The following RPH3A variants were observed in gnomAD, a reference collection of about 807,000 sequenced individuals.
RPH3A encodes rabphilin 3A.
RPH3A carries 48 observed loss-of-function variants against 102.2 expected under a neutral mutation model. The observed-to-expected ratio is 0.47, with a 90% CI of 0.37 to 0.60. RPH3A has a LOEUF of 0.60. Ranked by LOEUF, RPH3A falls within the 20% of genes least tolerant of loss-of-function variation. The pLI is 0.00. For missense variants in RPH3A, 781 were observed against 910.1 expected (o/e 0.86, Z 1.83); for synonymous variants, 310 against 324.3 (o/e 0.96, Z 0.47).
intron 1 of RPH3A, among the ~76,000 whole-genome samples, chr12:112,621,523 G>A (rs1389475522): frequency 2.0e-5 from 3 of 147,238 alleles, no homozygotes; most frequent in African/African-American, 7.7e-5. Context: ...GGCGCACCAC[G>A]AGACTATATC....
chr12:112,870,151 T>C (rs2042683673), intron 10 of RPH3A, 112 bp downstream of exon 10: 1 of 1,058,112 alleles, frequency 9.5e-7, no homozygotes, highest in African/African-American at 1.6e-5. Context: ...TGAGTCCTAC[T>C]GTGTGCCGTG....
intron 1 of RPH3A, among the ~76,000 whole-genome samples, chr12:112,774,694 C>T (rs1565876805): frequency 6.6e-6 from 1 of 151,990 alleles, no homozygotes; most frequent in Admixed American, 6.6e-5. Flanking sequence ...CCAAACACCA[C>T]ATGTTCTCAC....
At chr12:112,778,833 T>C (rs368173692) in intron 1 of RPH3A, among the ~76,000 whole-genome samples, 160 of 152,316 alleles carry the variant, frequency 1.1e-3, no homozygotes, top group Non-Finnish European at 2.2e-3. Context: ...TTGGCTTGCA[T>C]TGAGCCACAT....
chr12:112,639,721 G>T (rs1183432311), intron 1 of RPH3A, among the ~76,000 whole-genome samples: 1 of 152,120 alleles, frequency 6.6e-6, no homozygotes, highest in African/African-American at 2.4e-5. Context: ...ACACCAAAGG[G>T]CTGAGTCCTG....
intron 12 of RPH3A, among the ~76,000 whole-genome samples, chr12:112,876,297 C>G (rs565474242): frequency 1.3e-5 from 2 of 152,160 alleles, no homozygotes; most frequent in African/African-American, 4.8e-5. Context: ...TTAAAAAATA[C>G]TATTATTTGA....
At chr12:112,759,275 G>A (rs1384178492) in intron 1 of RPH3A, among the ~76,000 whole-genome samples, 1 of 152,074 alleles carries the variant, frequency 6.6e-6, no homozygotes, top group African/African-American at 2.4e-5. Flanking sequence ...GAACATACTG[G>A]CATATATGTT....
intron 1 of RPH3A, among the ~76,000 whole-genome samples, chr12:112,599,236 A>G (rs1049533399): frequency 6.6e-6 from 1 of 152,208 alleles, no homozygotes; most frequent in Non-Finnish European, 1.5e-5. Flanking sequence ...ATGCAGCACC[A>G]CGAGGCTCAG....
intron 1 of RPH3A, among the ~76,000 whole-genome samples, chr12:112,663,867 T>C (rs2040067151): frequency 6.6e-6 from 1 of 152,116 alleles, no homozygotes; most frequent in Middle Eastern, 3.2e-3. Flanking sequence ...AAAGAGGTAG[T>C]CTTCCTCACT....
In RPH3A at chr12:112,848,043, A is replaced by T. The variant is rs118103456; in HGVS notation, c.230+201A>T. ...CTTTGTTGCATGAGTTGGGAGAGCT[A>T]GGAGAAGAGAAAAGGGACTAGAGGA... On this transcript the variant is annotated intron_variant, in intron 5 of 21. Transcript: ENST00000389385. Among the ~76,000 whole-genome samples, 1,112 of 152,270 alleles carry T rather than the reference A, an allele frequency of 7.3e-3. 5 individuals are homozygous for T. Among genetic ancestry groups the T allele is most frequent in the Middle Eastern group, 0.024 (7 of 294 alleles).
At chr12:112,691,490 ATCTT>A (rs1211058411) in intron 1 of RPH3A, among the ~76,000 whole-genome samples, 69 of 152,368 alleles carry the variant, frequency 4.5e-4, no homozygotes, top group African/African-American at 1.6e-3. Flanking sequence ...CATTATGAAC[ATCTT>A]TCTGTGTCCA....
chr12:112,726,110 G>C (rs1241420649), intron 1 of RPH3A, among the ~76,000 whole-genome samples: 2 of 149,384 alleles, frequency 1.3e-5, no homozygotes, highest in Admixed American at 6.7e-5. Context: ...TTTCGGGGGG[G>C]TGGGGGGTGT....
Position 112,678,849 on chromosome 12 carries a change from G to A in RPH3A, c.-140+103530G>A, listed in dbSNP as rs531086025. On this transcript the variant is annotated intron_variant, in intron 1 of 21. Coordinates refer to the RPH3A transcript ENST00000543106. ...GAAGCAGACCAGAAAACTAAGAATT[G>A]CAATTCTGCGTGACAGATTAGATAG... 1.2e-4 allele frequency among the ~76,000 whole-genome samples: 19 copies of A among 152,248 alleles called. 1 individual carries two copies. The South Asian group carries it at 3.5e-3, about 28-fold the overall frequency.
rs757069452 is a variant in RPH3A at position 112,668,914 on chromosome 12, AT to A, written c.-140+93601del. 2.2e-4 allele frequency among the ~76,000 whole-genome samples: 33 copies of A among 152,220 alleles called. 1 individual carries two copies. The East Asian group carries it at 3.1e-3, about 14-fold the overall frequency. On this transcript the variant is annotated intron_variant, in intron 1 of 21. Transcript: ENST00000543106. ...ATCCTCAGAACTCCTCATGGCTTTT[AT>A]TTTTTGGGTTCAGAATAGAATACCA...
rs539027144 is a variant in RPH3A at position 112,827,796 on chromosome 12, T to C, written c.-18-505T>C. Among the ~76,000 whole-genome samples the C allele has an allele frequency of 2.0e-4, 31 of 151,750 alleles. No individual in the cohort carries two copies. The South Asian group carries it at 6.1e-3, about 30-fold the overall frequency. On this transcript the variant is annotated intron_variant, in intron 2 of 21. Transcript: ENST00000389385. ...AGAGCATTAGAAGGAATACCTAATGTAGATGATGGGTTGATGGGTGCAGCA... is the reference window on the plus strand; with the variant it reads ...AGAGCATTAGAAGGAATACCTAATGCAGATGATGGGTTGATGGGTGCAGCA...
At chr12:112,629,456 G>T in intron 1 of RPH3A, among the ~76,000 whole-genome samples, 1 of 139,046 alleles carries the variant, frequency 7.2e-6, no homozygotes, top group African/African-American at 2.7e-5. Context: ...ATAGGGGAAT[G>T]CACTTTGCAT....
chr12:112,664,760 C>T (rs2040072899), intron 1 of RPH3A, among the ~76,000 whole-genome samples: 1 of 152,064 alleles, frequency 6.6e-6, no homozygotes, highest in Non-Finnish European at 1.5e-5. Context: ...TCTGCGCAAC[C>T]TGATTTCAGC....
chr12:112,840,547 G>T (rs1040048425), intron 4 of RPH3A, among the ~76,000 whole-genome samples: 1 of 151,782 alleles, frequency 6.6e-6, no homozygotes, highest in Non-Finnish European at 1.5e-5. Context: ...TCCGCAAAAG[G>T]CCCAGAAATC....
At chr12:112,659,771 A>G (rs772571039) in intron 1 of RPH3A, among the ~76,000 whole-genome samples, 9 of 152,120 alleles carry the variant, frequency 5.9e-5, no homozygotes, top group Non-Finnish European at 1.3e-4. Context: ...ATGGGGTTCT[A>G]ACTATCATTG....
chr12:112,729,515 G>T (rs1251502571), intron 1 of RPH3A, among the ~76,000 whole-genome samples: 1 of 152,048 alleles, frequency 6.6e-6, no homozygotes, highest in Non-Finnish European at 1.5e-5. Context: ...TTTATCGCAG[G>T]TGTCTTGTTT....
Sources: gnomAD v4.1 joint callset for allele counts (sites outside exome capture counted in the v4.1 genomes callset) on GRCh38, gnomAD v4.1.1 for gene constraint, MANE v1.5 for transcripts, NCBI Gene and HGNC (gene_info 2026-07-23, HGNC 2026-07-21) for gene names.